Variants in RNLS observed in about 807,000 individuals in gnomAD.
RNLS encodes the protein renalase.
In RNLS, 39 loss-of-function variants were observed where a neutral mutation model predicts 39.8. The observed-to-expected ratio is 0.98, with a 90% CI of 0.76 to 1.28. RNLS has a LOEUF of 1.28. Ranked by LOEUF, RNLS falls within the 50% of genes most tolerant of loss-of-function variation. RNLS has a pLI of 0.00. For missense variants in RNLS, 410 were observed against 413.3 expected, an observed-to-expected ratio of 0.99 and a Z score of 0.07; for synonymous variants, 147 against 150.7, an observed-to-expected ratio of 0.98 and a Z score of 0.18.
chr10:88,494,913 A>C (rs1418827180), intron 4 of RNLS, among the ~76,000 whole-genome samples: 1 of 152,168 alleles, frequency 6.6e-6, no homozygotes, highest in Non-Finnish European at 1.5e-5. Flanking sequence ...TACTCAGGAG[A>C]ATAAGTAACA....
chr10:88,410,750 C>T (rs1312834401), intron 4 of RNLS, among the ~76,000 whole-genome samples: 1 of 152,052 alleles, frequency 6.6e-6, no homozygotes, highest in Non-Finnish European at 1.5e-5. Flanking sequence ...ATCCATAAAA[C>T]TAGGTGCTTG....
In RNLS at chr10:88,314,638, G is replaced by A. The variant is rs750778231; in HGVS notation, c.704C>T (p.Ser235Leu). The change falls in exon 6 of 7, where the codon TCA (serine) becomes TTA (leucine). Residue 235 changes from serine to leucine, a missense_variant. Transcript: ENST00000331772. ...CACGAGGGAAGGCCCAATTTCTGAT[G>A]ACTCTGTGGCATAAGAGGATCATAA... Reference protein sequence around the residue: ...SIDNKKRNIESSEIGPSLVIH... With the variant: ...SIDNKKRNIELSEIGPSLVIH... The A allele has an allele frequency of 1.9e-6, 3 of 1,613,030 alleles. No individual in the cohort carries two copies. Among genetic ancestry groups the A allele is most frequent in the Admixed American group, 1.7e-5 (1 of 59,930 alleles).
chr10:88,506,361 T>C (rs1406823059), intron 4 of RNLS, among the ~76,000 whole-genome samples: 1 of 152,050 alleles, frequency 6.6e-6, no homozygotes, highest in Admixed American at 6.6e-5. Context: ...GGACTTTATA[T>C]TAGATCACAG....
chr10:88,401,047 A>T (rs1452753650), intron 4 of RNLS, among the ~76,000 whole-genome samples: 1 of 151,804 alleles, frequency 6.6e-6, no homozygotes, highest in Non-Finnish European at 1.5e-5. Flanking sequence ...ATTGTATTGG[A>T]TGTTGAATTC....
At chr10:88,235,803 A>G in the RNLS span, among the ~76,000 whole-genome samples, 1 of 151,620 alleles carries the variant, frequency 6.6e-6, no homozygotes, top group South Asian at 2.1e-4. Flanking sequence ...AGAGATAGAG[A>G]GGTTTTTTGT....
chr10:88,545,190 T>A (rs1848236510), intron 4 of RNLS, among the ~76,000 whole-genome samples: 1 of 152,186 alleles, frequency 6.6e-6, no homozygotes, highest in Non-Finnish European at 1.5e-5. Context: ...ATTTTCAATG[T>A]AGTAAACTAC....
chr10:88,486,768 G>A (rs1010312102), intron 4 of RNLS, among the ~76,000 whole-genome samples: 25 of 152,250 alleles, frequency 1.6e-4, no homozygotes, highest in African/African-American at 5.5e-4. Flanking sequence ...TGGTGGGAGT[G>A]TAAATTAGTT....
At chr10:88,453,849 T>C (rs1420134912) in intron 4 of RNLS, among the ~76,000 whole-genome samples, 1 of 152,238 alleles carries the variant, frequency 6.6e-6, no homozygotes, top group African/African-American at 2.4e-5. Context: ...GCACTCTGTT[T>C]ATATTACCTG....
At chr10:88,263,724 T>C in the RNLS span, among the ~76,000 whole-genome samples, 4 of 152,294 alleles carry the variant, frequency 2.6e-5, no homozygotes, top group Admixed American at 6.5e-5. Context: ...CTCAGCTATT[T>C]GCTAACTAGG....
intron 4 of RNLS, 61 bp from the exon 5 acceptor site, chr10:88,362,786 C>A: frequency 6.6e-7 from 1 of 1,503,880 alleles, no homozygotes; most frequent in Non-Finnish European, 9.0e-7. Context: ...TTTAGCACAT[C>A]AAATATAAAA....
At chr10:88,226,738 C>CTTTT in the RNLS span, among the ~76,000 whole-genome samples, 24 of 69,444 alleles carry the variant, frequency 3.5e-4, 3 homozygotes, top group Non-Finnish European at 4.9e-4. Flanking sequence ...TCTCCCTTCA[C>CTTTT]TTTTTTTTTT....
intron 4 of RNLS, among the ~76,000 whole-genome samples, chr10:88,388,550 G>A (rs1852002072): frequency 6.6e-6 from 1 of 152,094 alleles, no homozygotes; most frequent in Non-Finnish European, 1.5e-5. Context: ...TCCAGCTGAA[G>A]AGACTTAAAT....
chr10:88,317,410 T>C (rs986536142), intron 5 of RNLS, among the ~76,000 whole-genome samples: 3 of 152,226 alleles, frequency 2.0e-5, no homozygotes, highest in Non-Finnish European at 4.4e-5. Flanking sequence ...AATATTCTTG[T>C]TTCCACCTCT....
intron 5 of RNLS, among the ~76,000 whole-genome samples, chr10:88,327,771 T>G (rs186853528): frequency 2.4e-4 from 36 of 152,338 alleles, no homozygotes; most frequent in African/African-American, 8.2e-4. Context: ...TATGTATGTA[T>G]TTTTGTATTT....
chr10:88,195,837 C>T, the RNLS span, among the ~76,000 whole-genome samples: 2 of 152,200 alleles, frequency 1.3e-5, no homozygotes, highest in Non-Finnish European at 2.9e-5. Flanking sequence ...AACTGCTGGA[C>T]CAACTCAACA....
chr10:88,354,522 T>A (rs7914096), intron 5 of RNLS, among the ~76,000 whole-genome samples: 2 of 152,054 alleles, frequency 1.3e-5, no homozygotes, highest in East Asian at 1.9e-4. Flanking sequence ...AATTCTTTCC[T>A]TTAAGAATGT....
chr10:88,476,120 G>C (rs1328539190), intron 4 of RNLS, among the ~76,000 whole-genome samples: 5 of 152,088 alleles, frequency 3.3e-5, no homozygotes, highest in African/African-American at 1.2e-4. Flanking sequence ...TTTTATATCA[G>C]TCCCTTCCAA....
intron 4 of RNLS, among the ~76,000 whole-genome samples, chr10:88,524,996 TATAC>T (rs1332644645): frequency 0.013 from 1,603 of 123,858 alleles, 10 homozygotes; most frequent in Non-Finnish European, 0.018. Context: ...TATATATATA[TATAC>T]ACACACACAC....
chr10:88,303,953 A>G (rs1034822802), intron 6 of RNLS, among the ~76,000 whole-genome samples: 2 of 152,036 alleles, frequency 1.3e-5, no homozygotes, highest in Non-Finnish European at 2.9e-5. Flanking sequence ...ATCTGCTAAT[A>G]CTCTGCTGCA....
Sources: allele counts gnomAD v4.1 joint callset (sites outside exome capture counted in the v4.1 genomes callset), GRCh38; gene constraint gnomAD v4.1.1; transcripts MANE v1.5; gene names NCBI Gene and HGNC (gene_info 2026-07-23, HGNC 2026-07-21).